The following CHID1 variants were observed in gnomAD, a reference collection of about 807,000 sequenced individuals.
The protein encoded by CHID1 is chitinase domain containing 1, also known as chitinase domain-containing protein 1.
CHID1 carries 44 observed loss-of-function variants against 55.4 expected under a neutral mutation model. That is an observed-to-expected ratio of 0.79 (90% CI 0.62 to 1.02). The LOEUF (loss-of-function observed/expected upper bound fraction) is 1.02, where lower values mean the gene tolerates loss of function less well. Ranked by LOEUF, CHID1 falls within the 50% of genes least tolerant of loss-of-function variation. The pLI is 0.00. For missense variants in CHID1, 491 were observed against 515.3 expected (o/e 0.95, Z 0.46); for synonymous variants, 216 against 212.9 (o/e 1.01, Z -0.13).
intron 4 of CHID1, 77 bp from the exon 5 acceptor site, chr11:901,057 C>A: frequency 7.3e-7 from 1 of 1,374,768 alleles, no homozygotes. Context: ...AGGAGGAAAA[C>A]GTGGCAGCCG....
At chr11:874,382 G>A (rs1350292061) in intron 10 of CHID1, among the ~76,000 whole-genome samples, 2 of 152,186 alleles carry the variant, frequency 1.3e-5, no homozygotes, top group Non-Finnish European at 2.9e-5. Context: ...AGAATCACTT[G>A]AACCTGGGAG....
intron 8 of CHID1, among the ~76,000 whole-genome samples, chr11:891,334 G>T (rs1850802800): frequency 6.6e-6 from 1 of 152,234 alleles, no homozygotes; most frequent in Admixed American, 6.5e-5. Flanking sequence ...TCGTCACCGT[G>T]CCCGTAGCCC....
At chr11:894,271 C>A (rs755794680) in intron 7 of CHID1, among the ~76,000 whole-genome samples, 1 of 152,078 alleles carries the variant, frequency 6.6e-6, no homozygotes, top group African/African-American at 2.4e-5. Context: ...GGCAGGGCAC[C>A]GGGCAGGGCA....
intron 10 of CHID1, among the ~76,000 whole-genome samples, chr11:873,601 G>A (rs1410800251): frequency 6.6e-6 from 1 of 152,104 alleles, no homozygotes; most frequent in Non-Finnish European, 1.5e-5. Flanking sequence ...TGGACGGGGA[G>A]GATGTAAGGA....
chr11:914,444 C>A, upstream of CHID1: 1 of 1,053,666 alleles, frequency 9.5e-7, no homozygotes, highest in Non-Finnish European at 1.3e-6. Flanking sequence ...AGGGGCAGGC[C>A]GGTGGGGTGA....
At chr11:878,600 A>G (rs1029994581) in intron 10 of CHID1, among the ~76,000 whole-genome samples, 1 of 151,406 alleles carries the variant, frequency 6.6e-6, no homozygotes, top group Admixed American at 6.7e-5. Context: ...TAAAGTACTC[A>G]GTTTCAGGTA....
intron 10 of CHID1, among the ~76,000 whole-genome samples, chr11:873,990 G>A (rs909807691): frequency 6.6e-6 from 1 of 152,010 alleles, no homozygotes; most frequent in African/African-American, 2.4e-5. Flanking sequence ...GGAGAAAGCA[G>A]ATCAAGTGTG....
At chr11:870,377 G>A in intron 11 of CHID1, 42 bp downstream of exon 11, 1 of 1,533,938 alleles carries the variant, frequency 6.5e-7, no homozygotes, top group Non-Finnish European at 9.0e-7. Context: ...GCCCCTCCCT[G>A]CACACAAGGC....
intron 7 of CHID1, among the ~76,000 whole-genome samples, chr11:896,496 T>C (rs12575943): frequency 0.36 from 18,547 of 51,266 alleles, 5,013 homozygotes; most frequent in Admixed American, 0.49. Context: ...ACCCCAGACA[T>C]GAGGCTGTCT....
chr11:877,411 T>A lies in CHID1; in HGVS notation c.959+5737A>T, dbSNP rs975756319. Among the ~76,000 whole-genome samples, 4 of 152,184 alleles carry A rather than the reference T, an allele frequency of 2.6e-5. No homozygotes were observed. The South Asian group carries it at 8.3e-4, about 31-fold the overall frequency. On this transcript the variant is annotated intron_variant, in intron 10 of 12. Transcript: ENST00000323578. Reference sequence around the variant, plus strand: ...GGTGTGCACCACCATACCGGCTAATTTGTTTTTAAACTATTTGTAATGATG... The same window carrying A: ...GGTGTGCACCACCATACCGGCTAATATGTTTTTAAACTATTTGTAATGATG...
At chr11:901,746 G>A (rs763492320) in intron 4 of CHID1, among the ~76,000 whole-genome samples, 12 of 152,226 alleles carry the variant, frequency 7.9e-5, no homozygotes, top group Non-Finnish European at 1.5e-4. Flanking sequence ...AGACCTGGGC[G>A]GAACACTCTG....
At chr11:910,514 G>C in intron 1 of CHID1, 3 of 774,906 alleles carry the variant, frequency 3.9e-6, no homozygotes, top group South Asian at 2.7e-5. Context: ...CCCCCGACAC[G>C]CGCCCCCGTC....
rs765748473 is a variant in CHID1, at chr11:904,693, A to G, written c.111+13T>C. ...GCCAGTACAGTCACCTCAAGTCCCCAGGCCACCCTTACCTTCTCCAGCAGC... is the reference window on the plus strand; with the variant it reads ...GCCAGTACAGTCACCTCAAGTCCCCGGGCCACCCTTACCTTCTCCAGCAGC... On this transcript the variant is annotated intron_variant, in intron 2 of 12. Transcript: ENST00000323578. 6.2e-7 allele frequency: 1 copy of G among 1,613,966 alleles called. No individual in the cohort carries two copies. The highest frequency in any genetic ancestry group is 8.5e-7 in the Non-Finnish European group (1 of 1,179,944).
Position 906,755 on chromosome 11 carries a change from G to A in CHID1, c.-43-1896C>T, listed in dbSNP as rs567615290. ...AACAAAACAAAAAAGTAGCCTGGGCGCGGGGGCTCACGCCTGTAATCACAC... is the reference window on the plus strand; with the variant it reads ...AACAAAACAAAAAAGTAGCCTGGGCACGGGGGCTCACGCCTGTAATCACAC... On this transcript the variant is annotated intron_variant, in intron 1 of 12. Coordinates refer to ENST00000323578, the MANE Select transcript of CHID1 (RefSeq NM_023947.4). Among the ~76,000 whole-genome samples, 11 of 152,350 alleles carry A rather than the reference G, an allele frequency of 7.2e-5. No homozygotes were observed. The East Asian group carries it at 7.7e-4, about 11-fold the overall frequency.
rs543669670 is a variant in CHID1 at position 868,261 on chromosome 11, G to C, written c.*1597C>G. On this transcript the variant is annotated 3_prime_UTR_variant, in exon 13 of 13. Coordinates refer to ENST00000323578, the MANE Select transcript of CHID1 (RefSeq NM_023947.4). Reference sequence around the variant, plus strand: ...AGACAAGGTCAGTGCCCCAAAGCCAGTGGCAGCTTGTGTTTTTTTAGACAA... The same window carrying C: ...AGACAAGGTCAGTGCCCCAAAGCCACTGGCAGCTTGTGTTTTTTTAGACAA... 2 of 152,088 alleles carry C rather than the reference G, an allele frequency of 1.3e-5. No individual in the cohort carries two copies. Among genetic ancestry groups the C allele is most frequent in the Non-Finnish European group, 2.9e-5 (2 of 68,020 alleles). 9.4% of individuals were successfully genotyped at this position (152,088 alleles called of 1,614,324 possible). A position where few individuals can be genotyped will look rare whatever the true frequency, so the allele number is the denominator to read the frequency against.
At position 876,734 on chromosome 11, in the gene CHID1, G is replaced by A. The variant is rs551008655; in HGVS notation, c.960-6235C>T. On this transcript the variant is annotated intron_variant, in intron 10 of 12. Transcript: ENST00000323578. ...GCTCGGCAGCTGTGAGGATGCACGT[G>A]TGAGCGAGTCTTGGCAGCCGTTTAT... Among the ~76,000 whole-genome samples the A allele has an allele frequency of 4.6e-5, 7 of 152,370 alleles. No individual in the cohort carries two copies. In the South Asian group the frequency reaches 1.4e-3, roughly 32 times the overall value.
At position 874,160 on chromosome 11, in the gene CHID1, C is replaced by T. The variant is rs147044251; in HGVS notation, c.960-3661G>A. On this transcript the variant is annotated intron_variant, in intron 10 of 12. Coordinates refer to ENST00000323578, the MANE Select transcript of CHID1 (RefSeq NM_023947.4). Reference sequence around the variant, plus strand: ...GGGGACTTTGCCAAGGTCTAAAACGCAAGGATTAAAAACAGAGGGGGCCGG... The same window carrying T: ...GGGGACTTTGCCAAGGTCTAAAACGTAAGGATTAAAAACAGAGGGGGCCGG... Among the ~76,000 whole-genome samples the T allele has an allele frequency of 2.2e-3, 335 of 152,278 alleles. 3 individuals carry two copies. Among genetic ancestry groups the T allele is most frequent in the African/African-American group, 7.9e-3 (327 of 41,554 alleles).
intron 8 of CHID1, among the ~76,000 whole-genome samples, chr11:890,455 G>A (rs1273433778): frequency 1.3e-5 from 2 of 152,242 alleles, no homozygotes; most frequent in African/African-American, 4.8e-5. Context: ...GGCCAGGGTC[G>A]CGGCCCCGCC....
intron 10 of CHID1, among the ~76,000 whole-genome samples, chr11:881,810 T>G (rs1451688671): frequency 6.6e-6 from 1 of 151,348 alleles, no homozygotes; most frequent in Non-Finnish European, 1.5e-5. Flanking sequence ...GAGACCAGCC[T>G]CGACAACATG....
Sources: allele counts gnomAD v4.1 joint callset (sites outside exome capture counted in the v4.1 genomes callset), GRCh38; gene constraint gnomAD v4.1.1; transcripts MANE v1.5; gene names NCBI Gene and HGNC (gene_info 2026-07-23, HGNC 2026-07-21).